Variants in RANBP17 observed in about 807,000 individuals in gnomAD.
RANBP17 encodes the protein ran-binding protein 17.
In RANBP17, 158 loss-of-function variants were observed where a neutral mutation model predicts 141.2. That is an observed-to-expected ratio of 1.12 (90% CI 0.98 to 1.28). The LOEUF (loss-of-function observed/expected upper bound fraction) is 1.28, where lower values mean the gene tolerates loss of function less well. Among genes scored for constraint, RANBP17 ranks in the 50% most tolerant of loss-of-function variants. The pLI, the probability that RANBP17 is intolerant of heterozygous loss-of-function variation, is 0.00. For synonymous variants in RANBP17, 430 were observed against 450.0 expected, an observed-to-expected ratio of 0.96 and a Z score of 0.56; for missense variants, 1,438 against 1,290.7, an observed-to-expected ratio of 1.11 and a Z score of -1.75.
chr5:171,297,790 A>G (rs901374983), intron 27 of RANBP17, among the ~76,000 whole-genome samples: 1 of 147,462 alleles, frequency 6.8e-6, no homozygotes, highest in African/African-American at 2.5e-5. Context: ...TGTACCAGGC[A>G]CTGTGTTGAG....
intron 18 of RANBP17, among the ~76,000 whole-genome samples, chr5:171,186,127 G>T (rs1761218217): frequency 1.3e-5 from 2 of 152,276 alleles, no homozygotes; most frequent in East Asian, 3.9e-4. Flanking sequence ...GTCACCATCA[G>T]CATTAGCCCC....
chr5:171,144,972 G>C (rs1281335869), intron 14 of RANBP17, among the ~76,000 whole-genome samples: 1 of 152,186 alleles, frequency 6.6e-6, no homozygotes, highest in East Asian at 1.9e-4. Flanking sequence ...CCTGTTGGGA[G>C]AGAATTTTAT....
chr5:171,037,068 C>T (rs565680961), intron 14 of RANBP17, among the ~76,000 whole-genome samples: 5 of 152,132 alleles, frequency 3.3e-5, no homozygotes, highest in South Asian at 2.1e-4. Flanking sequence ...AGTGTATAAG[C>T]GTTCCCTTAT....
At chr5:171,290,914 C>G (rs1348030086) in intron 25 of RANBP17, among the ~76,000 whole-genome samples, 1 of 152,218 alleles carries the variant, frequency 6.6e-6, no homozygotes, top group Non-Finnish European at 1.5e-5. Context: ...TGATATATAT[C>G]AGAGAAGTTA....
At chr5:171,297,407 A>G (rs959406002) in intron 27 of RANBP17, among the ~76,000 whole-genome samples, 1 of 152,210 alleles carries the variant, frequency 6.6e-6, no homozygotes, top group Non-Finnish European at 1.5e-5. Context: ...AAAGGCCTGC[A>G]CCATCCTTTT....
At chr5:171,131,761 A>G (rs1756937086) in intron 14 of RANBP17, among the ~76,000 whole-genome samples, 1 of 152,200 alleles carries the variant, frequency 6.6e-6, no homozygotes, top group Non-Finnish European at 1.5e-5. Flanking sequence ...CATTTAGAAC[A>G]TTATGGTAAT....
intron 3 of RANBP17, among the ~76,000 whole-genome samples, chr5:170,882,588 C>G (rs76883798): frequency 0.029 from 4,442 of 152,172 alleles, 217 homozygotes; most frequent in African/African-American, 0.099. Flanking sequence ...GCTACTCTAC[C>G]TGTTTAGAGT....
In RANBP17 at chr5:171,295,983, G is replaced by T; in HGVS notation, c.3139G>T (p.Glu1047Ter). The change falls in exon 27 of 28, where the codon GAG (glutamate) becomes TAG (stop). Residue 1047 changes from glutamate to a stop codon, truncating the protein, a stop_gained. Coordinates refer to ENST00000523189, the MANE Select transcript of RANBP17 (RefSeq NM_022897.5). LOFTEE classifies it high-confidence loss of function. ...CTTCAGAAACCTAATGGAAGGAGTGGAGCAGAACCTGTCCGTCAAGAACAG... is the reference window on the plus strand; with the variant it reads ...CTTCAGAAACCTAATGGAAGGAGTGTAGCAGAACCTGTCCGTCAAGAACAG... The part of the protein sequence containing the change: ...QCFRNLMEGV[E>*]QNLSVKNRDR... 6.2e-7 allele frequency: 1 copy of T among 1,613,846 alleles called. No homozygotes were observed. Among genetic ancestry groups the T allele is most frequent in the South Asian group, 1.1e-5 (1 of 91,052 alleles).
intron 14 of RANBP17, among the ~76,000 whole-genome samples, chr5:171,074,105 CT>C (rs1388765696): frequency 6.6e-6 from 1 of 151,994 alleles, no homozygotes; most frequent in African/African-American, 2.4e-5. Context: ...AAAGGAATAA[CT>C]TTATAGTTAG....
At position 170,897,100 on chromosome 5, in the gene RANBP17, A is replaced by G. The variant is rs142674084; in HGVS notation, c.489+985A>G. On this transcript the variant is annotated intron_variant, in intron 5 of 27. Coordinates refer to ENST00000523189, the MANE Select transcript of RANBP17 (RefSeq NM_022897.5). Reference sequence around the variant, plus strand: ...TACCAGCTGTCTTGATTGACATGGTAGAAGGGATAGTGAATGAAATTCTGC... The same window carrying G: ...TACCAGCTGTCTTGATTGACATGGTGGAAGGGATAGTGAATGAAATTCTGC... 2.2e-5 allele frequency: 18 copies of G among 829,876 alleles called. 1 individual carries two copies. Among genetic ancestry groups the G allele is most frequent in the Middle Eastern group, 3.1e-4 (1 of 3,258 alleles). 51.4% of individuals were successfully genotyped at this position (829,876 alleles called of 1,614,324 possible).
intron 22 of RANBP17, among the ~76,000 whole-genome samples, chr5:171,237,439 C>G (rs546596813): frequency 2.6e-4 from 40 of 152,264 alleles, no homozygotes; most frequent in African/African-American, 8.7e-4. Context: ...TGCCTCCATT[C>G]CCCGTTATTG....
At chr5:171,232,216 A>G (rs565087992) in intron 22 of RANBP17, among the ~76,000 whole-genome samples, 2 of 152,336 alleles carry the variant, frequency 1.3e-5, no homozygotes, top group South Asian at 4.1e-4. Flanking sequence ...AAAATAACCT[A>G]TACAAAATCT....
At chr5:171,265,377 A>G (rs1397551939) in intron 24 of RANBP17, among the ~76,000 whole-genome samples, 1 of 152,184 alleles carries the variant, frequency 6.6e-6, no homozygotes, top group Non-Finnish European at 1.5e-5. Context: ...TCTACTAGAA[A>G]TACAAAAATT....
At chr5:171,056,276 C>T (rs944823171) in intron 14 of RANBP17, among the ~76,000 whole-genome samples, 1 of 152,126 alleles carries the variant, frequency 6.6e-6, no homozygotes, top group African/African-American at 2.4e-5. Flanking sequence ...TCCAAAGTTA[C>T]CAGAAACCTG....
intron 14 of RANBP17, chr5:170,982,931 C>G (rs1347786951): frequency 3.3e-6 from 1 of 303,042 alleles, no homozygotes. Context: ...GAAACATTGT[C>G]TTGCCAATTT....
intron 14 of RANBP17, among the ~76,000 whole-genome samples, chr5:171,013,193 A>G (rs760092063): frequency 6.6e-6 from 1 of 152,168 alleles, no homozygotes. Flanking sequence ...CCAGAACTCA[A>G]GGATAATCTC....
rs35762251 is a variant in RANBP17 at position 171,267,026 on chromosome 5, C to CTTTTTT, written c.2943+1194_2943+1199dup. ...CTATACCATCACTATATTTTCTTTT[C>CTTTTTT]TTTTTTTTTTTTTTTTTTTTGAGAC... On this transcript the variant is annotated intron_variant, in intron 25 of 27. Transcript: ENST00000523189. Among the ~76,000 whole-genome samples, 238 of 114,602 alleles carry CTTTTTT rather than the reference C, an allele frequency of 2.1e-3. 4 individuals are homozygous for CTTTTTT. Among genetic ancestry groups the CTTTTTT allele is most frequent in the African/African-American group, 5.3e-3 (142 of 26,974 alleles). 75.2% of individuals were successfully genotyped at this position (114,602 alleles called of 152,430 possible).
intron 14 of RANBP17, among the ~76,000 whole-genome samples, chr5:171,101,765 A>T (rs1462524119): frequency 6.6e-6 from 1 of 152,176 alleles, no homozygotes; most frequent in Non-Finnish European, 1.5e-5. Context: ...TGTTTCCTTC[A>T]GGAGTTCTTG....
chr5:170,957,072 A>AACACACACACACACACACACAC lies in RANBP17; in HGVS notation c.1574+3385_1574+3406dup, dbSNP rs58034888. ...GCAACAGAGCGAGACTCTGTCTCAA[A>AACACACACACACACACACACAC]ACACACACACACACACACACACACA... On this transcript the variant is annotated intron_variant, in intron 13 of 27. Coordinates refer to ENST00000523189, the MANE Select transcript of RANBP17 (RefSeq NM_022897.5). Among the ~76,000 whole-genome samples the AACACACACACACACACACACAC allele has an allele frequency of 6.3e-5, 9 of 142,992 alleles. No homozygotes were observed. In the South Asian group the frequency reaches 9.7e-4, roughly 15 times the overall value. The allele number at this position is 142,992 out of a possible 152,430, so 93.8% of individuals were successfully genotyped here.
Sources: gnomAD v4.1 joint callset for allele counts (sites outside exome capture counted in the v4.1 genomes callset) on GRCh38, gnomAD v4.1.1 for gene constraint, MANE v1.5 for transcripts, NCBI Gene and HGNC (gene_info 2026-07-23, HGNC 2026-07-21) for gene names.